Variants in AFG2A observed in about 807,000 individuals in gnomAD.
The protein encoded by AFG2A is ATPase family gene 2 protein homolog A.
chr4:123,055,540 A>G, the AFG2A span, among the ~76,000 whole-genome samples: 8 of 152,212 alleles, frequency 5.3e-5, no homozygotes, highest in African/African-American at 1.7e-4. Flanking sequence ...TTTGTGTTTC[A>G]GTCAGTCAGA....
chr4:123,069,741 G>A, the AFG2A span, among the ~76,000 whole-genome samples: 6 of 152,222 alleles, frequency 3.9e-5, no homozygotes, highest in South Asian at 4.1e-4. Context: ...TTTTAGCTAT[G>A]TAAAATAAAT....
chr4:123,231,106 C>G, the AFG2A span, among the ~76,000 whole-genome samples: 281 of 151,982 alleles, frequency 1.8e-3, 1 homozygote, highest in African/African-American at 6.6e-3. Context: ...CATTAGCCCC[C>G]AACAAGAGAG....
chr4:122,931,017 C>T, the AFG2A span, among the ~76,000 whole-genome samples: 1 of 152,146 alleles, frequency 6.6e-6, no homozygotes, highest in Non-Finnish European at 1.5e-5. Context: ...TTTTAGTCTG[C>T]TTAAATCCTT....
At chr4:123,037,397 T>C in the AFG2A span, among the ~76,000 whole-genome samples, 1 of 152,074 alleles carries the variant, frequency 6.6e-6, no homozygotes, top group Non-Finnish European at 1.5e-5. Flanking sequence ...ATGTTAAAAG[T>C]AATGCTATTA....
the AFG2A span, among the ~76,000 whole-genome samples, chr4:123,249,774 C>T: frequency 6.6e-6 from 1 of 152,186 alleles, no homozygotes; most frequent in African/African-American, 2.4e-5. Context: ...CACACAAATA[C>T]ACAATAAAGA....
chr4:122,923,692 C>T, the AFG2A span, among the ~76,000 whole-genome samples: 1 of 152,204 alleles, frequency 6.6e-6, no homozygotes, highest in Non-Finnish European at 1.5e-5. Context: ...GTGGATCACT[C>T]TGCCTTTAGG....
chr4:122,938,009 A>T, the AFG2A span: 3 of 1,017,366 alleles, frequency 2.9e-6, no homozygotes, highest in African/African-American at 1.6e-5. Flanking sequence ...TAATATCTTT[A>T]TAATATTAAG....
the AFG2A span, among the ~76,000 whole-genome samples, chr4:123,051,480 T>C: frequency 2.0e-5 from 3 of 152,036 alleles, no homozygotes; most frequent in Non-Finnish European, 4.4e-5. Context: ...TAATTATTTT[T>C]AATTGTTTTG....
chr4:123,311,871 T>C, the AFG2A span, among the ~76,000 whole-genome samples: 1 of 152,188 alleles, frequency 6.6e-6, no homozygotes, highest in African/African-American at 2.4e-5. Context: ...TTGATTACTG[T>C]GTGTTGAGAG....
chr4:123,012,263 G>T, the AFG2A span, among the ~76,000 whole-genome samples: 1 of 145,262 alleles, frequency 6.9e-6, no homozygotes, highest in African/African-American at 2.6e-5. Context: ...AGTGGAAAAG[G>T]GGTAGAGACA....
At chr4:123,081,714 C>G in the AFG2A span, among the ~76,000 whole-genome samples, 1 of 152,110 alleles carries the variant, frequency 6.6e-6, no homozygotes, top group African/African-American at 2.4e-5. Flanking sequence ...ATTTTTGGAA[C>G]TTCCAAACTG....
the AFG2A span, among the ~76,000 whole-genome samples, chr4:123,211,786 G>C: frequency 6.6e-6 from 1 of 152,022 alleles, no homozygotes; most frequent in African/African-American, 2.4e-5. Flanking sequence ...GGACCTAGAA[G>C]AGTAAACCTG....
At chr4:123,142,979 T>C in the AFG2A span, among the ~76,000 whole-genome samples, 2 of 152,086 alleles carry the variant, frequency 1.3e-5, no homozygotes, top group Non-Finnish European at 1.5e-5. Context: ...TTTGAAACTT[T>C]TGAGTTCTAA....
At chr4:123,010,465 A>T in the AFG2A span, among the ~76,000 whole-genome samples, 2 of 152,094 alleles carry the variant, frequency 1.3e-5, no homozygotes, top group African/African-American at 4.8e-5. Context: ...TCATTTTTGT[A>T]TTCTTAGAGC....
At chr4:123,046,092 A>G in the AFG2A span, among the ~76,000 whole-genome samples, 2 of 151,264 alleles carry the variant, frequency 1.3e-5, no homozygotes, top group Non-Finnish European at 2.9e-5. Context: ...GTGAGACTCC[A>G]TCTCAAAAAA....
the AFG2A span, among the ~76,000 whole-genome samples, chr4:123,093,917 C>G: frequency 6.6e-6 from 1 of 152,152 alleles, no homozygotes; most frequent in Non-Finnish European, 1.5e-5. Flanking sequence ...AAACTTAATG[C>G]TCCTATGCCC....
At chr4:123,137,126 A>G in the AFG2A span, among the ~76,000 whole-genome samples, 1 of 152,192 alleles carries the variant, frequency 6.6e-6, no homozygotes, top group Non-Finnish European at 1.5e-5. Flanking sequence ...GGTGCGGCTG[A>G]TCAGGCAGTA....
the AFG2A span, chr4:122,979,441 A>G: frequency 6.4e-7 from 1 of 1,560,092 alleles, no homozygotes; most frequent in East Asian, 2.3e-5. Context: ...CTCTGAAAAA[A>G]ATTTAGAGTT....
the AFG2A span, among the ~76,000 whole-genome samples, chr4:123,135,660 G>A: frequency 2.6e-5 from 4 of 152,274 alleles, no homozygotes; most frequent in South Asian, 4.1e-4. Flanking sequence ...CGTTTACATA[G>A]CATTTACATG....
Sources: gnomAD v4.1 joint callset for allele counts (sites outside exome capture counted in the v4.1 genomes callset) on GRCh38, gnomAD v4.1.1 for gene constraint, MANE v1.5 for transcripts, NCBI Gene and HGNC (gene_info 2026-07-23, HGNC 2026-07-21) for gene names.